DHX57: variants seen among roughly 807,000 people sequenced by gnomAD.
The protein encoded by DHX57 is putative ATP-dependent RNA helicase DHX57.
DHX57 carries 105 observed loss-of-function variants against 156.2 expected under a neutral mutation model. That is an observed-to-expected ratio of 0.67 (90% CI 0.57 to 0.79). DHX57 has a LOEUF of 0.79. Ranked by LOEUF, DHX57 falls within the 30% of genes least tolerant of loss-of-function variation. The pLI is 0.00. For synonymous variants in DHX57, 704 were observed against 595.6 expected, an observed-to-expected ratio of 1.18 and a Z score of -2.65; for missense variants, 1,847 against 1,661.9, an observed-to-expected ratio of 1.11 and a Z score of -1.94.
intron 21 of DHX57, chr2:38,810,284 G>T (rs1670173984): frequency 3.9e-6 from 1 of 256,002 alleles, no homozygotes. Flanking sequence ...CCATTTCAGG[G>T]GGACCAGGGA....
intron 14 of DHX57, among the ~76,000 whole-genome samples, chr2:38,827,209 A>T (rs563625309): frequency 1.8e-4 from 28 of 152,108 alleles, no homozygotes; most frequent in Non-Finnish European, 3.2e-4. Flanking sequence ...TAGTTCTAGG[A>T]ACCAAAAACC....
At chr2:38,868,039 C>T in intron 2 of DHX57, 143 bp downstream of exon 2, 11 of 1,038,462 alleles carry the variant, frequency 1.1e-5, no homozygotes, top group Non-Finnish European at 1.5e-5. Flanking sequence ...TATTTCCCAT[C>T]ATGTCTTCAG....
At chr2:38,825,205 T>C (rs935547242) in intron 16 of DHX57, among the ~76,000 whole-genome samples, 5 of 152,174 alleles carry the variant, frequency 3.3e-5, no homozygotes, top group African/African-American at 4.8e-5. Context: ...ACATGTATAT[T>C]TTTGGTACCT....
At chr2:38,831,412 C>T (rs906694161) in intron 13 of DHX57, among the ~76,000 whole-genome samples, 27 of 151,514 alleles carry the variant, frequency 1.8e-4, no homozygotes, top group Non-Finnish European at 3.8e-4. Context: ...TTGCTGCAAC[C>T]TCTGCCTCCT....
In DHX57 at chr2:38,802,843, A is replaced by G. The variant is rs903923924; in HGVS notation, c.3889T>C (p.Cys1297Arg). Residue 1297 changes from cysteine (C) to arginine (R), a missense_variant, in exon 23 of 24, where the codon TGC becomes CGC. Transcript: ENST00000457308. ...IKTSRVFIRD[C>R]SMVSVYPLVL... ...AGCGGGTACACAGACACCATGCTGCAGTCTCGGATGAATACTCGACTAGTT... is the reference window on the plus strand; with the variant it reads ...AGCGGGTACACAGACACCATGCTGCGGTCTCGGATGAATACTCGACTAGTT... 6.2e-7 allele frequency: 1 copy of G among 1,614,168 alleles called. No individual in the cohort carries two copies. Among genetic ancestry groups the G allele is most frequent in the African/African-American group, 1.3e-5 (1 of 75,036 alleles).
chr2:38,807,070 T>C (rs1428350439), intron 21 of DHX57, among the ~76,000 whole-genome samples: 2 of 151,888 alleles, frequency 1.3e-5, no homozygotes, highest in Admixed American at 6.6e-5. Context: ...TTTTGTTTTT[T>C]TTGAGACCGA....
chr2:38,816,423 C>T (rs755161775), intron 19 of DHX57, among the ~76,000 whole-genome samples: 1 of 151,784 alleles, frequency 6.6e-6, no homozygotes, highest in Non-Finnish European at 1.5e-5. Flanking sequence ...ACCATGTTGG[C>T]CAGGCTGCTC....
intron 21 of DHX57, chr2:38,811,271 A>G: frequency 1.9e-6 from 1 of 516,042 alleles, no homozygotes. Context: ...CTGGGGGGCC[A>G]GCGAGTAGCA....
At position 38,861,265 on chromosome 2, in the gene DHX57, G is replaced by C. The variant is rs1282164654; in HGVS notation, c.1145C>G (p.Pro382Arg). Residue 382 changes from proline to arginine, a missense_variant, in exon 5 of 24, where the codon CCT (proline) becomes CGT (arginine). Physicochemically the swap from Pro to Arg is moderately radical, Grantham distance 103. Coordinates refer to ENST00000457308, the MANE Select transcript of DHX57 (RefSeq NM_198963.3). ...VAFYSTNENLPLACRLHISEF... is the reference protein window; with the variant it reads ...VAFYSTNENLRLACRLHISEF... ...AGAAATATGTAAACGACAAGCCAGA[G>C]GTAGGTTCTCATTGGTGGAATAAAA... 13 of 1,614,158 alleles carry C rather than the reference G, an allele frequency of 8.1e-6. No homozygotes were observed. In the East Asian group the frequency reaches 1.6e-4, roughly 19 times the overall value.
At chr2:38,868,060 C>T in intron 2 of DHX57, 122 bp downstream of exon 2, 1 of 1,286,100 alleles carries the variant, frequency 7.8e-7, no homozygotes, top group Non-Finnish European at 1.1e-6. Flanking sequence ...AAAAGGGTTA[C>T]AAAGAGGAAG....
intron 13 of DHX57, among the ~76,000 whole-genome samples, chr2:38,837,553 G>C (rs1671744677): frequency 7.9e-6 from 1 of 125,864 alleles, no homozygotes; most frequent in Admixed American, 1.1e-4. Flanking sequence ...GGAGATTGCA[G>C]TAAGCTAAGG....
chr2:38,807,490 T>G (rs1291257174), intron 21 of DHX57, among the ~76,000 whole-genome samples: 2 of 151,872 alleles, frequency 1.3e-5, no homozygotes, highest in Admixed American at 6.6e-5. Context: ...CCCTAGTAGC[T>G]GGGACTACAG....
At chr2:38,808,549 T>A (rs1670075440) in intron 21 of DHX57, among the ~76,000 whole-genome samples, 1 of 152,196 alleles carries the variant, frequency 6.6e-6, no homozygotes. Context: ...CCCTGTTTTT[T>A]CAAATTTAGA....
At position 38,813,862 on chromosome 2, in the gene DHX57, A is replaced by G. The variant is rs747864012; in HGVS notation, c.3640T>C (p.Ser1214Pro). 93 of 1,613,552 alleles carry G rather than the reference A, an allele frequency of 5.8e-5. No homozygotes were observed. In the Admixed American group the frequency reaches 1.5e-3, roughly 25 times the overall value. The change falls in exon 21 of 24, where the codon TCA (serine) becomes CCA (proline). Residue 1214 changes from serine (S) to proline (P), a missense_variant. Transcript: ENST00000457308. ...TACAAAGCAGCACACAGCATTGCTG[A>G]TATCAGCTTGGGGTTCTCAGCATTT... Reference protein sequence around the residue: ...NSNAENPKLISAMLCAALYPN... With the variant: ...NSNAENPKLIPAMLCAALYPN...
At chr2:38,829,586 AT>A (rs922921960) in intron 13 of DHX57, among the ~76,000 whole-genome samples, 9 of 151,822 alleles carry the variant, frequency 5.9e-5, no homozygotes, top group African/African-American at 2.2e-4. Context: ...GCAACTTTCT[AT>A]TTTTTTATTT....
At position 38,802,828 on chromosome 2, in the gene DHX57, C is replaced by G. The variant is rs1420741272; in HGVS notation, c.3904G>C (p.Val1302Leu). ...CCTCCAAACAAGACCAGCGGGTACA[C>G]AGACACCATGCTGCAGTCTCGGATG... is the stretch of plus-strand genomic sequence containing the variant. ...VFIRDCSMVS[V>L]YPLVLFGGGQ... Residue 1302 changes from valine (V) to leucine (L), a missense_variant, in exon 23 of 24, where the codon GTG becomes CTG. Val to Leu is a conservative substitution (Grantham distance 32). Coordinates refer to ENST00000457308, the MANE Select transcript of DHX57 (RefSeq NM_198963.3). The G allele has an allele frequency of 6.2e-6, 10 of 1,614,062 alleles. No homozygotes were observed. In the African/African-American group the frequency reaches 1.2e-4, roughly 19 times the overall value.
At chr2:38,821,538 C>T (rs1296781741) in intron 17 of DHX57, among the ~76,000 whole-genome samples, 2 of 151,636 alleles carry the variant, frequency 1.3e-5, no homozygotes, top group Non-Finnish European at 2.9e-5. Flanking sequence ...TATAAAAATA[C>T]AAAAATTAGC....
At chr2:38,831,625 C>G (rs951471824) in intron 13 of DHX57, among the ~76,000 whole-genome samples, 1 of 151,906 alleles carries the variant, frequency 6.6e-6, no homozygotes, top group Non-Finnish European at 1.5e-5. Flanking sequence ...GAGGCCAAAG[C>G]GGGCGGATCA....
chr2:38,852,583 A>G (rs1008065194), intron 9 of DHX57, among the ~76,000 whole-genome samples: 24 of 150,352 alleles, frequency 1.6e-4, no homozygotes, highest in African/African-American at 5.9e-4. Flanking sequence ...CCTCCTCAGT[A>G]CTTAAAATAT....
Sources: gnomAD v4.1 joint callset for allele counts (sites outside exome capture counted in the v4.1 genomes callset) on GRCh38, gnomAD v4.1.1 for gene constraint, MANE v1.5 for transcripts, NCBI Gene and HGNC (gene_info 2026-07-23, HGNC 2026-07-21) for gene names.